IL9R: variants seen among roughly 807,000 people sequenced by gnomAD.
IL9R encodes the protein interleukin-9 receptor.
IL9R carries 54 observed loss-of-function variants against 56.3 expected under a neutral mutation model. The observed-to-expected ratio is 0.96, with a 90% CI of 0.77 to 1.20. The LOEUF is 1.20. Ranked by LOEUF, IL9R falls within the 50% of genes most tolerant of loss-of-function variation. The probability of loss-of-function intolerance (pLI) is 0.00; values close to 1 mark genes in which losing one functional copy is unlikely to be tolerated. For missense variants in IL9R, 545 were observed against 629.8 expected (o/e 0.87, Z 1.44); for synonymous variants, 212 against 250.2 (o/e 0.85, Z 1.44).
chrX:156,011,600 CA>C (rs1717235318), downstream of IL9R, among the ~76,000 whole-genome samples: 1 of 104,972 alleles, frequency 9.5e-6, no homozygotes, highest in Non-Finnish European at 1.7e-5. Context: ...CGCATGCTAA[CA>C]CATACGTTGC....
In IL9R at chrX:156,005,372, G is replaced by A. The variant is rs150023440; in HGVS notation, c.674G>A (p.Arg225His). The A allele has an allele frequency of 8.2e-5, 133 of 1,612,754 alleles. No individual in the cohort carries two copies. Among genetic ancestry groups the A allele is most frequent in the Middle Eastern group, 3.7e-4 (2 of 5,350 alleles). Reference sequence around the variant, plus strand: ...GGCTTTATCCATGAGGCCAGGCTGCGTGTCCAGATGGCCACACTGGAGGAT... The same window carrying A: ...GGCTTTATCCATGAGGCCAGGCTGCATGTCCAGATGGCCACACTGGAGGAT... ...DPGFIHEARL[R>H]VQMATLEDDV... Residue 225 changes from arginine (R) to histidine (H), a missense_variant, in exon 6 of 9, where the codon CGT becomes CAT. Arg to His is a conservative substitution (Grantham distance 29). Coordinates refer to ENST00000244174, the MANE Select transcript of IL9R (RefSeq NM_002186.3).
chrX:155,997,858 G>A (rs2067246827), intron 1 of IL9R, 71 bp downstream of exon 1: 1 of 1,448,052 alleles, frequency 6.9e-7, no homozygotes, highest in South Asian at 1.2e-5. Context: ...AGGGACATGT[G>A]GCCCTCCAAC....
At chrX:156,005,096 CTGTGAG>C (rs2067828272) in intron 5 of IL9R, among the ~76,000 whole-genome samples, 176 bp from the exon 6 acceptor site, 1 of 151,842 alleles carries the variant, frequency 6.6e-6, no homozygotes, top group African/African-American at 2.4e-5. Flanking sequence ...GCAGCTGTGT[CTGTGAG>C]TGTGAGTGTG....
chrX:156,007,621 C>T lies in IL9R; in HGVS notation c.972+14C>T, dbSNP rs369520460. On this transcript the variant is annotated intron_variant, in intron 8 of 8. Transcript: ENST00000244174. Reference sequence around the variant, plus strand: ...GGGAACTTCCAGGTGTGTGCAGAGACCACAGAAGGACATGGGGGGCAGGGG... The same window carrying T: ...GGGAACTTCCAGGTGTGTGCAGAGATCACAGAAGGACATGGGGGGCAGGGG... 103 of 1,362,794 alleles carry T rather than the reference C, an allele frequency of 7.6e-5. 6 individuals carry two copies. Among genetic ancestry groups the T allele is most frequent in the African/African-American group, 1.5e-4 (4 of 27,006 alleles). 84.4% of individuals were successfully genotyped at this position (1,362,794 alleles called of 1,614,324 possible). A position where few individuals can be genotyped will look rare whatever the true frequency, so the allele number is the denominator to read the frequency against.
In IL9R at chrX:156,003,874, T is replaced by C; in HGVS notation, c.433+19T>C. 6.2e-7 allele frequency: 1 copy of C among 1,613,318 alleles called. No homozygotes were observed. Among genetic ancestry groups the C allele is most frequent in the Non-Finnish European group, 8.5e-7 (1 of 1,179,580 alleles). Reference sequence around the variant, plus strand: ...AGACACGGTGAGCAGCAGCTATAGGTCTGGGGCGGGGCCGCTTGGCAAGAA... The same window carrying C: ...AGACACGGTGAGCAGCAGCTATAGGCCTGGGGCGGGGCCGCTTGGCAAGAA... On this transcript the variant is annotated intron_variant, in intron 4 of 8. Coordinates refer to ENST00000244174, the MANE Select transcript of IL9R (RefSeq NM_002186.3).
chrX:156,005,196 C>T, intron 5 of IL9R, 82 bp from the exon 6 acceptor site: 1 of 1,047,256 alleles, frequency 9.5e-7, no homozygotes, highest in Non-Finnish European at 1.5e-6. Context: ...GTTATATGAG[C>T]ATATAATGCA....
chrX:156,003,157 C>A, intron 2 of IL9R, 138 bp downstream of exon 2: 1 of 1,039,770 alleles, frequency 9.6e-7, no homozygotes, highest in Non-Finnish European at 1.5e-6. Context: ...AGGGGTCAGC[C>A]TGGACCTCAG....
chrX:156,000,815 G>A (rs2067469523), intron 1 of IL9R, among the ~76,000 whole-genome samples: 1 of 152,154 alleles, frequency 6.6e-6, no homozygotes, highest in Admixed American at 6.5e-5. Flanking sequence ...TGTGCTGAGT[G>A]GTGCCTCGCA....
At chrX:156,006,960 A>G (rs1287386800) in intron 7 of IL9R, among the ~76,000 whole-genome samples, 2 of 151,054 alleles carry the variant, frequency 1.3e-5, no homozygotes, top group Admixed American at 6.6e-5. Context: ...AAAAGTGGAG[A>G]GAATTGCAGG....
In IL9R at chrX:156,004,515, A is replaced by T; in HGVS notation, c.529A>T (p.Thr177Ser). 1 of 1,613,472 alleles carries T rather than the reference A, an allele frequency of 6.2e-7. No homozygotes were observed. Among genetic ancestry groups the T allele is most frequent in the South Asian group, 1.1e-5 (1 of 91,030 alleles). ...SISPALEPMT[T>S]LLSYELAFKK... ...CAGTCCTGCCTTGGAGCCAATGACC[A>T]CACTTCTCAGCTATGAGCTGGCCTT... Residue 177 changes from threonine to serine, a missense_variant, in exon 5 of 9, where the codon ACA becomes TCA. This residue lies in a region of IL9R where 431 missense variants were observed against 360.0 expected (regional missense o/e 1.20). Coordinates refer to ENST00000244174, the MANE Select transcript of IL9R (RefSeq NM_002186.3).
chrX:156,000,145 A>AAAATATAT (rs780163667), intron 1 of IL9R, among the ~76,000 whole-genome samples: 37 of 144,274 alleles, frequency 2.6e-4, no homozygotes, highest in Admixed American at 1.4e-3. Flanking sequence ...AAAAAAAAAA[A>AAAATATAT]ATATATATAT....
intron 2 of IL9R, 43 bp downstream of exon 2, chrX:156,003,062 C>A: frequency 6.2e-7 from 1 of 1,612,428 alleles, no homozygotes; most frequent in South Asian, 1.1e-5. Flanking sequence ...GGGTGGAGAA[C>A]TAGGGCATGT....
At chrX:156,001,489 A>G (rs1183430781) in intron 1 of IL9R, 7 of 1,608,906 alleles carry the variant, frequency 4.4e-6, no homozygotes, top group Non-Finnish European at 5.9e-6. Flanking sequence ...TCCAGGCTGC[A>G]CGCTCCATTC....
chrX:156,011,561 C>T (rs1002045700), downstream of IL9R, among the ~76,000 whole-genome samples: 151 of 106,694 alleles, frequency 1.4e-3, 58 homozygotes, highest in African/African-American at 8.0e-3. Flanking sequence ...TGTCATTGCA[C>T]ATATGGGGTG....
intron 5 of IL9R, 140 bp downstream of exon 5, chrX:156,004,705 A>T: frequency 1.2e-6 from 1 of 812,360 alleles, no homozygotes; most frequent in Non-Finnish European, 2.0e-6. Flanking sequence ...GTGCACACAC[A>T]CATGCTGGCA....
chrX:156,006,711 A>G lies in IL9R; in HGVS notation c.887+523A>G, dbSNP rs767369298. On this transcript the variant is annotated intron_variant, in intron 7 of 8. Coordinates refer to ENST00000244174, the MANE Select transcript of IL9R (RefSeq NM_002186.3). ...GGGTGCAGGGGCCATGTCAGGCCGC[A>G]GATGTGAGGAAGAGGGTGTGGGGAG... 1.5e-3 allele frequency among the ~76,000 whole-genome samples: 231 copies of G among 152,054 alleles called. 2 individuals carry two copies. The highest frequency in any genetic ancestry group is 2.7e-3 in the South Asian group (13 of 4,824).
chrX:155,999,672 G>T (rs1451737085), intron 1 of IL9R, among the ~76,000 whole-genome samples: 3 of 152,106 alleles, frequency 2.0e-5, no homozygotes, highest in Non-Finnish European at 4.4e-5. Flanking sequence ...ATGTCCCCAG[G>T]CTCCAGCTGC....
At chrX:156,001,551 T>C in intron 1 of IL9R, 1 of 1,314,754 alleles carries the variant, frequency 7.6e-7, no homozygotes, top group Non-Finnish European at 1.1e-6. Flanking sequence ...GACTGTCCTA[T>C]GGGTACCTGT....
At chrX:156,006,361 C>T (rs2509422) in intron 7 of IL9R, among the ~76,000 whole-genome samples, 173 bp downstream of exon 7, 3,802 of 129,052 alleles carry the variant, frequency 0.029, 104 homozygotes, top group African/African-American at 0.1. Flanking sequence ...TGGTCCTGGA[C>T]GGGGTGGGCT....
Sources: allele counts gnomAD v4.1 joint callset (sites outside exome capture counted in the v4.1 genomes callset), GRCh38; gene constraint gnomAD v4.1.1; regional missense constraint gnomAD v4.1.1; transcripts MANE v1.5; gene names NCBI Gene and HGNC (gene_info 2026-07-23, HGNC 2026-07-21).